ADSS1: variants seen among roughly 807,000 people sequenced by gnomAD.
ADSS1 encodes the protein adenylosuccinate synthetase isozyme 1.
Under a neutral mutation model 59.1 loss-of-function variants are expected in ADSS1, and 57 were observed. That is an observed-to-expected ratio of 0.97 (90% confidence interval 0.78 to 1.20). The LOEUF (loss-of-function observed/expected upper bound fraction) is 1.20, where lower values mean the gene tolerates loss of function less well. Among genes scored for constraint, ADSS1 ranks in the 50% most tolerant of loss-of-function variants. ADSS1 has a pLI of 0.00. For missense variants in ADSS1, 603 were observed against 610.3 expected (o/e 0.99, Z 0.13); for synonymous variants, 247 against 249.4 (o/e 0.99, Z 0.09).
chr14:104,724,306 C>T lies in ADSS1; in HGVS notation c.36C>T (p.Pro12=). ...SGTRASNDRP[P]GAGGVKRGRL... ...CCCGAGCCTCCAACGACCGGCCCCC[C>T]GGCGCAGGCGGCGTCAAGCGGGGGC... is the stretch of plus-strand genomic sequence containing the variant. Residue 12 remains proline, a synonymous_variant, in exon 1 of 13, where the codon CCC becomes CCT. Coordinates refer to ENST00000330877, the MANE Select transcript of ADSS1 (RefSeq NM_152328.5). The T allele has an allele frequency of 2.4e-6, 3 of 1,234,344 alleles. No individual in the cohort carries two copies. The highest frequency in any genetic ancestry group is 2.0e-6 in the Non-Finnish European group (2 of 986,862). The allele number at this position is 1,234,344 out of a possible 1,614,324, so 76.5% of individuals were successfully genotyped here.
At chr14:104,731,984 G>A (rs1890948586) in intron 1 of ADSS1, among the ~76,000 whole-genome samples, 1 of 152,238 alleles carries the variant, frequency 6.6e-6, no homozygotes, top group Admixed American at 6.5e-5. Flanking sequence ...TGCAAGAGGA[G>A]GAAGCCCTGT....
At chr14:104,725,838 C>A (rs1890704025) in intron 1 of ADSS1, among the ~76,000 whole-genome samples, 1 of 152,110 alleles carries the variant, frequency 6.6e-6, no homozygotes, top group Admixed American at 6.5e-5. Context: ...CCAGGCCCCT[C>A]CCTATGAGCT....
intron 1 of ADSS1, among the ~76,000 whole-genome samples, chr14:104,734,201 C>T (rs1891035061): frequency 6.6e-6 from 1 of 152,198 alleles, no homozygotes; most frequent in African/African-American, 2.4e-5. Context: ...GTCCCTGTAT[C>T]CATCATGCCA....
intron 2 of ADSS1, among the ~76,000 whole-genome samples, chr14:104,736,259 G>A (rs1005892797): frequency 4.6e-5 from 7 of 152,338 alleles, no homozygotes; most frequent in African/African-American, 1.7e-4. Context: ...CCGCCATGTC[G>A]CAGGAGCCCC....
intron 1 of ADSS1, among the ~76,000 whole-genome samples, 190 bp downstream of exon 1, chr14:104,724,652 C>T (rs1890668973): frequency 6.6e-6 from 1 of 152,052 alleles, no homozygotes; most frequent in Non-Finnish European, 1.5e-5. Context: ...CCCCGACCCA[C>T]ACACACCGCC....
chr14:104,739,129 G>A (rs1891234424), intron 3 of ADSS1, among the ~76,000 whole-genome samples, 199 bp from the exon 4 acceptor site: 1 of 151,976 alleles, frequency 6.6e-6, no homozygotes, highest in East Asian at 1.9e-4. Flanking sequence ...TGGAGTGAGG[G>A]TCCGGGAGTC....
At chr14:104,735,176 C>A in intron 2 of ADSS1, 54 bp downstream of exon 2, 1 of 1,504,170 alleles carries the variant, frequency 6.6e-7, no homozygotes, top group Non-Finnish European at 9.1e-7. Context: ...GTCAGCCAGC[C>A]CAGGAGCCCC....
chr14:104,741,803 T>C, intron 8 of ADSS1, 45 bp from the exon 9 acceptor site: 1 of 1,606,884 alleles, frequency 6.2e-7, no homozygotes, highest in Non-Finnish European at 8.5e-7. Flanking sequence ...TGGAATAATC[T>C]ACAGGGGGTG....
intron 9 of ADSS1, 40 bp from the exon 10 acceptor site, chr14:104,743,027 C>T: frequency 6.2e-7 from 1 of 1,610,288 alleles, no homozygotes; most frequent in Non-Finnish European, 8.5e-7. Flanking sequence ...CACAAGGCTC[C>T]CACGACAGCT....
intron 11 of ADSS1, 71 bp downstream of exon 11, chr14:104,744,980 C>CT (rs1489065537): frequency 7.1e-7 from 1 of 1,400,662 alleles, no homozygotes; most frequent in East Asian, 2.4e-5. Flanking sequence ...GGACCTGTGA[C>CT]TTCTCAGAGA....
intron 10 of ADSS1, 52 bp downstream of exon 10, chr14:104,743,243 C>T: frequency 6.3e-7 from 1 of 1,594,864 alleles, no homozygotes; most frequent in South Asian, 1.1e-5. Context: ...ACTCCCGACA[C>T]CTGCAGAGGC....
intron 10 of ADSS1, 45 bp downstream of exon 10, chr14:104,743,236 C>T (rs745916672): frequency 1.9e-6 from 3 of 1,598,150 alleles, no homozygotes; most frequent in Non-Finnish European, 2.6e-6. Flanking sequence ...GTCCCTGACT[C>T]CCGACACCTG....
chr14:104,732,771 C>G (rs1039051512), intron 1 of ADSS1, among the ~76,000 whole-genome samples: 1 of 152,208 alleles, frequency 6.6e-6, no homozygotes, highest in Non-Finnish European at 1.5e-5. Flanking sequence ...CTCAGTTTCC[C>G]TACCTGTCCT....
chr14:104,724,597 C>T, intron 1 of ADSS1, 135 bp downstream of exon 1: 1 of 1,152,698 alleles, frequency 8.7e-7, no homozygotes, highest in Admixed American at 4.3e-5. Context: ...AGCACCTTTC[C>T]CAGGGCCACC....
Position 104,730,141 on chromosome 14 carries a change from A to C in ADSS1, c.193-4879A>C, listed in dbSNP as rs1252702532. On this transcript the variant is annotated intron_variant, in intron 1 of 12. Transcript: ENST00000330877. ...AGAGGGCTTGGAGGAGCCACGGGTC[A>C]AATGCAGGAGGCCACACCTGCCTGC... The C allele has an allele frequency of 4.5e-6, 7 of 1,546,260 alleles. No homozygotes were observed. The highest frequency in any genetic ancestry group is 6.1e-6 in the Non-Finnish European group (7 of 1,144,692).
Position 104,735,028 on chromosome 14 carries a change from C to T in ADSS1, c.201C>T (p.Asn67=). The T allele has an allele frequency of 6.2e-7, 1 of 1,612,884 alleles. No homozygotes were observed. Among genetic ancestry groups the T allele is most frequent in the Non-Finnish European group, 8.5e-7 (1 of 1,179,174 alleles). ...ADIISRCQGG[N]NAGHTVVVDG... Reference sequence around the variant, plus strand: ...CCGGGTTTCTGTTCCAGGGGGGCAACAACGCCGGCCACACGGTGGTGGTGG... The same window carrying T: ...CCGGGTTTCTGTTCCAGGGGGGCAATAACGCCGGCCACACGGTGGTGGTGG... Residue 67 remains asparagine, a synonymous_variant, in exon 2 of 13, where the codon AAC becomes AAT. Coordinates refer to ENST00000330877, the MANE Select transcript of ADSS1 (RefSeq NM_152328.5).
intron 2 of ADSS1, 109 bp downstream of exon 2, chr14:104,735,231 A>C: frequency 9.7e-7 from 1 of 1,028,386 alleles, no homozygotes; most frequent in Non-Finnish European, 1.4e-6. Flanking sequence ...TGACTGCTCT[A>C]GCAGTAGGCT....
chr14:104,730,009 G>T (rs907244647), intron 1 of ADSS1: 7 of 1,594,394 alleles, frequency 4.4e-6, no homozygotes, highest in Non-Finnish European at 6.0e-6. Flanking sequence ...TCCCCTGGCT[G>T]CCTCCAAGGA....
rs373615038 is a variant in ADSS1 at position 104,742,444 on chromosome 14, C to T, written c.948+442C>T. ...CCAAGCTAGAATTGGGGCTGAAAGC[C>T]AACCCCCACAACCCTGCCCAGCTCT... On this transcript the variant is annotated intron_variant, in intron 9 of 12. Coordinates refer to ENST00000330877, the MANE Select transcript of ADSS1 (RefSeq NM_152328.5). Among the ~76,000 whole-genome samples, 40 of 152,362 alleles carry T rather than the reference C, an allele frequency of 2.6e-4. No individual in the cohort carries two copies. The East Asian group carries it at 4.0e-3, about 15-fold the overall frequency.
Sources: gnomAD v4.1 joint callset for allele counts (sites outside exome capture counted in the v4.1 genomes callset) on GRCh38, gnomAD v4.1.1 for gene constraint, MANE v1.5 for transcripts, NCBI Gene and HGNC (gene_info 2026-07-23, HGNC 2026-07-21) for gene names.